Variants in KANK1 observed in about 807,000 individuals in gnomAD.
KANK1 encodes the protein KN motif and ankyrin repeat domain-containing protein 1.
In KANK1, 109 loss-of-function variants were observed where a neutral mutation model predicts 106.2. The ratio of observed to expected loss-of-function variants is 1.03; its 90% CI spans 0.88 to 1.20. The LOEUF is 1.20. Ranked by LOEUF, KANK1 falls within the 50% of genes most tolerant of loss-of-function variation. KANK1 has a pLI of 0.00. For synonymous variants in KANK1, 873 were observed against 652.2 expected, an observed-to-expected ratio of 1.34 and a Z score of -5.16; for missense variants, 2,399 against 1,710.7, an observed-to-expected ratio of 1.40 and a Z score of -7.10.
At chr9:585,067 A>G (rs1453133528) in intron 1 of KANK1, among the ~76,000 whole-genome samples, 1 of 151,050 alleles carries the variant, frequency 6.6e-6, no homozygotes, top group African/African-American at 2.4e-5. Context: ...GTGTTACTCA[A>G]CTCTCTTTGG....
intron 1 of KANK1, among the ~76,000 whole-genome samples, chr9:638,357 G>A (rs978621922): frequency 1.3e-5 from 2 of 152,122 alleles, no homozygotes; most frequent in Admixed American, 1.3e-4. Context: ...AATCATATTC[G>A]CCACTTTTGC....
Position 655,075 on chromosome 9 carries a change from CTAA to C in KANK1, c.-83-21810_-83-21808del, listed in dbSNP as rs577989939. Among the ~76,000 whole-genome samples, 124 of 152,214 alleles carry C rather than the reference CTAA, an allele frequency of 8.1e-4. 1 individual carries two copies. The highest frequency in any genetic ancestry group is 2.9e-3 in the African/African-American group (120 of 41,530). On this transcript the variant is annotated intron_variant, in intron 1 of 11. Transcript: ENST00000382297. ...CTTTGATGAGACCTAGACAGTAATT[CTAA>C]TAATCATCCAGCCGGGCGTGGTAGC...
chr9:483,429 G>A (rs10120964), intron 3 of KANK1, among the ~76,000 whole-genome samples: 11,943 of 152,244 alleles, frequency 0.078, 1,605 homozygotes, highest in African/African-American at 0.27. Flanking sequence ...TGATCCTAAT[G>A]TGTAGAGAAC....
chr9:485,858 G>T (rs576766707), intron 3 of KANK1, among the ~76,000 whole-genome samples: 188 of 143,164 alleles, frequency 1.3e-3, no homozygotes, highest in African/African-American at 5.0e-3. Context: ...GTGACAGAGT[G>T]AGAATTGTCT....
At chr9:693,187 T>C (rs1274037553) in intron 2 of KANK1, among the ~76,000 whole-genome samples, 1 of 152,126 alleles carries the variant, frequency 6.6e-6, no homozygotes, top group South Asian at 2.1e-4. Flanking sequence ...GGTGATTGTT[T>C]TTAGCCTTCT....
At position 517,800 on chromosome 9, in the gene KANK1, G is replaced by A. The variant is rs143138549; in HGVS notation, c.-84+13046G>A. On this transcript the variant is annotated intron_variant, in intron 1 of 11. Transcript: ENST00000382297. Reference sequence around the variant, plus strand: ...GTCACCCAGGTTGGAGTAAAGTGGCGTGATCTCGGCTCACTGGACCCTCCG... The same window carrying A: ...GTCACCCAGGTTGGAGTAAAGTGGCATGATCTCGGCTCACTGGACCCTCCG... 1.2e-3 allele frequency among the ~76,000 whole-genome samples: 175 copies of A among 148,700 alleles called. 3 individuals carry two copies. Among genetic ancestry groups the A allele is most frequent in the East Asian group, 5.6e-3 (28 of 5,044 alleles).
chr9:554,770 C>A (rs960802342), intron 1 of KANK1, among the ~76,000 whole-genome samples: 1 of 152,190 alleles, frequency 6.6e-6, no homozygotes, highest in African/African-American at 2.4e-5. Context: ...GGAAATGCCA[C>A]TACTAAAAAC....
At chr9:538,885 T>C (rs555756936) in intron 1 of KANK1, among the ~76,000 whole-genome samples, 14 of 152,068 alleles carry the variant, frequency 9.2e-5, no homozygotes, top group African/African-American at 3.4e-4. Flanking sequence ...TTTTGTTTTT[T>C]ATTTATTTAT....
intron 2 of KANK1, among the ~76,000 whole-genome samples, chr9:698,108 G>T: frequency 6.6e-6 from 1 of 152,204 alleles, no homozygotes; most frequent in Non-Finnish European, 1.5e-5. Flanking sequence ...TTTCCCTGTT[G>T]GCCAATTCAG....
intron 1 of KANK1, among the ~76,000 whole-genome samples, chr9:661,607 C>T (rs71488142): frequency 0.84 from 127,248 of 151,746 alleles, 53,500 homozygotes; most frequent in East Asian, 0.97. Context: ...GTCTTTATAG[C>T]AGCATGATTT....
At chr9:507,056 T>C (rs1209220724) in intron 1 of KANK1, among the ~76,000 whole-genome samples, 1 of 151,972 alleles carries the variant, frequency 6.6e-6, no homozygotes, top group African/African-American at 2.4e-5. Context: ...CACTCACCCT[T>C]CAATAAGAAA....
At chr9:704,059 T>C (rs996081894) in intron 2 of KANK1, among the ~76,000 whole-genome samples, 1 of 152,198 alleles carries the variant, frequency 6.6e-6, no homozygotes, top group African/African-American at 2.4e-5. Context: ...ATTAATAATT[T>C]AAGTTTTATT....
At chr9:715,306 C>A (rs1420779801) in intron 3 of KANK1, among the ~76,000 whole-genome samples, 1 of 152,186 alleles carries the variant, frequency 6.6e-6, no homozygotes, top group East Asian at 1.9e-4. Context: ...TCTGCTTTGA[C>A]ATCCTTTTAA....
intron 1 of KANK1, among the ~76,000 whole-genome samples, chr9:666,694 A>G (rs933047830): frequency 1.3e-5 from 2 of 152,156 alleles, no homozygotes; most frequent in Admixed American, 6.5e-5. Context: ...ACTTATTGAA[A>G]TGATCATATG....
chr9:497,866 C>G (rs1393929247), intron 3 of KANK1, among the ~76,000 whole-genome samples: 1 of 151,896 alleles, frequency 6.6e-6, no homozygotes, highest in Non-Finnish European at 1.5e-5. Context: ...CCCCCACACA[C>G]ACACACCCAC....
At chr9:682,281 A>C (rs1468051453) in intron 2 of KANK1, among the ~76,000 whole-genome samples, 3 of 149,204 alleles carry the variant, frequency 2.0e-5, no homozygotes, top group Non-Finnish European at 3.0e-5. Context: ...CTCCGTCTCA[A>C]AAAAAAAAAA....
intron 1 of KANK1, among the ~76,000 whole-genome samples, chr9:664,682 A>G (rs1354240308): frequency 6.6e-6 from 1 of 152,188 alleles, no homozygotes; most frequent in African/African-American, 2.4e-5. Flanking sequence ...TTTCTTTTAG[A>G]GAAATACTCA....
At chr9:693,370 A>C (rs1416362755) in intron 2 of KANK1, 1 of 985,076 alleles carries the variant, frequency 1.0e-6, no homozygotes, top group Non-Finnish European at 1.2e-6. Context: ...AAGAGGGAGT[A>C]AGTCAGCACA....
chr9:735,285 T>C (rs1833471421), intron 7 of KANK1, among the ~76,000 whole-genome samples: 1 of 152,162 alleles, frequency 6.6e-6, no homozygotes, highest in Non-Finnish European at 1.5e-5. Flanking sequence ...TATGTTATGC[T>C]CTGATGTGGA....
Sources: gnomAD v4.1 joint callset for allele counts (sites outside exome capture counted in the v4.1 genomes callset) on GRCh38, gnomAD v4.1.1 for gene constraint, MANE v1.5 for transcripts, NCBI Gene and HGNC (gene_info 2026-07-23, HGNC 2026-07-21) for gene names.